Variants in TFIP11 observed in about 807,000 individuals in gnomAD.
The protein encoded by TFIP11 is tuftelin interacting protein 11.
A neutral mutation model predicts 96.8 loss-of-function variants in TFIP11; 86 were observed. The ratio of observed to expected loss-of-function variants is 0.89; its 90% CI spans 0.75 to 1.06. The LOEUF (loss-of-function observed/expected upper bound fraction) is 1.06. Ranked by LOEUF, TFIP11 falls within the 50% of genes least tolerant of loss-of-function variation. The pLI is 0.00. For synonymous variants in TFIP11, 405 were observed against 395.2 expected (o/e 1.02, Z -0.29); for missense variants, 881 against 1,076.7 (o/e 0.82, Z 2.54).
rs1416391788 is a variant in TFIP11 at position 26,492,366 on chromosome 22, C to T, written c.2161G>A (p.Ala721Thr). 6.2e-7 allele frequency: 1 copy of T among 1,613,918 alleles called. No individual in the cohort carries two copies. Among genetic ancestry groups the T allele is most frequent in the South Asian group, 1.1e-5 (1 of 91,076 alleles). Reference protein sequence around the residue: ...MNRAVSSNVGAYMQPGARENI... With the variant: ...MNRAVSSNVGTYMQPGARENI... ...TCCCGTGCTCCTGGCTGCATGTAGG[C>T]ACCTAAGATACAGGAGGACAGGGCG... The change falls in exon 15 of 15, where the codon GCC becomes ACC. Residue 721 changes from alanine to threonine, a missense_variant and splice_region_variant. Coordinates refer to ENST00000407690, the MANE Select transcript of TFIP11 (RefSeq NM_012143.4).
At position 26,491,661 on chromosome 22, in the gene TFIP11, G is replaced by A; in HGVS notation, c.*352C>T. On this transcript the variant is annotated 3_prime_UTR_variant, in exon 15 of 15. Transcript: ENST00000407690. ...CAGGAACAAGAGAGAAGATCCTTCT[G>A]CTACTGACTGAACTCGTTGTGAGGT... 6.2e-7 allele frequency: 1 copy of A among 1,610,348 alleles called. No homozygotes were observed. Among genetic ancestry groups the A allele is most frequent in the Non-Finnish European group, 8.5e-7 (1 of 1,179,998 alleles).
At chr22:26,495,959 G>T in intron 12 of TFIP11, 114 bp downstream of exon 12, 2 of 1,425,014 alleles carry the variant, frequency 1.4e-6, no homozygotes, top group Non-Finnish European at 1.9e-6. Flanking sequence ...AAGGAATATT[G>T]TGTACTAAGC....
At chr22:26,501,017 G>A (rs1401695874) in intron 8 of TFIP11, among the ~76,000 whole-genome samples, 1 of 151,186 alleles carries the variant, frequency 6.6e-6, no homozygotes, top group Non-Finnish European at 1.5e-5. Flanking sequence ...CCGAGTAGCT[G>A]GGACTACAGG....
At chr22:26,495,208 C>G (rs1306559572) in intron 12 of TFIP11, among the ~76,000 whole-genome samples, 1 of 149,870 alleles carries the variant, frequency 6.7e-6, no homozygotes, top group African/African-American at 2.5e-5. Context: ...GTGATCTGCC[C>G]ACCTCAGCCT....
Position 26,501,911 on chromosome 22 carries a change from A to G in TFIP11, c.790T>C (p.Ser264Pro). The G allele has an allele frequency of 1.2e-6, 2 of 1,613,158 alleles. No individual in the cohort carries two copies. The highest frequency in any genetic ancestry group is 1.1e-5 in the South Asian group (1 of 90,992). Residue 264 changes from serine (S) to proline (P), a missense_variant, in exon 8 of 15, where the codon TCT becomes CCT. Transcript: ENST00000407690. ...AAGGGCCCCTGTACCTTGACTTGAGAAAGTTCCTTCTGGGGAGCAGTGAGC... is the reference window on the plus strand; with the variant it reads ...AAGGGCCCCTGTACCTTGACTTGAGGAAGTTCCTTCTGGGGAGCAGTGAGC... ...KKLTAPQKELSQVKVIDMTGR... is the reference protein window; with the variant it reads ...KKLTAPQKELPQVKVIDMTGR...
At chr22:26,493,514 G>C (rs1921495422) in intron 14 of TFIP11, 1 of 152,978 alleles carries the variant, frequency 6.5e-6, no homozygotes. Context: ...AGGACTGGTT[G>C]AAATAGGCTC....
In TFIP11 at chr22:26,506,875, C is replaced by A; in HGVS notation, c.263G>T (p.Gly88Val). The change falls in exon 5 of 15, where the codon GGG (glycine) becomes GTG (valine). Residue 88 changes from glycine (G) to valine (V), a missense_variant. Coordinates refer to ENST00000407690, the MANE Select transcript of TFIP11 (RefSeq NM_012143.4). ...TTCCAACTCTGCCTCCTCCGCTGCCCCTTTCTTGAGCCCTGCGCTGATGAA... is the reference window on the plus strand; with the variant it reads ...TTCCAACTCTGCCTCCTCCGCTGCCACTTTCTTGAGCCCTGCGCTGATGAA... Reference protein sequence around the residue: ...VNFISAGLKKGAAEEAELEDS... With the variant: ...VNFISAGLKKVAAEEAELEDS... 1 of 1,614,216 alleles carries A rather than the reference C, an allele frequency of 6.2e-7. No homozygotes were observed. Among genetic ancestry groups the A allele is most frequent in the Admixed American group, 1.7e-5 (1 of 60,024 alleles).
At chr22:26,508,555 T>C (rs1296598166) in intron 4 of TFIP11, among the ~76,000 whole-genome samples, 1 of 152,052 alleles carries the variant, frequency 6.6e-6, no homozygotes, top group Non-Finnish European at 1.5e-5. Flanking sequence ...CCAGCCTCCT[T>C]TGAAAAAGGC....
Position 26,506,944 on chromosome 22 carries a change from C to A in TFIP11, c.210-16G>T, listed in dbSNP as rs755475740. The stretch of plus-strand genomic sequence containing the variant: ...GTCACGGGCCCTGTAGGCACAGAAA[C>A]AAAGCCCCACCAGGTCGGTAAAGAA... On this transcript the variant is annotated splice_polypyrimidine_tract_variant and intron_variant, in intron 4 of 14. Coordinates refer to ENST00000407690, the MANE Select transcript of TFIP11 (RefSeq NM_012143.4). The A allele has an allele frequency of 6.2e-7, 1 of 1,612,308 alleles. No individual in the cohort carries two copies. The highest frequency in any genetic ancestry group is 1.7e-5 in the Admixed American group (1 of 59,772).
chr22:26,491,274 C>A lies in TFIP11; in HGVS notation c.*739G>T. The A allele has an allele frequency of 1.4e-6, 1 of 717,054 alleles. No individual in the cohort carries two copies. Among genetic ancestry groups the A allele is most frequent in the Non-Finnish European group, 2.3e-6 (1 of 431,272 alleles). The allele number at this position is 717,054 out of a possible 1,614,324, so 44.4% of individuals were successfully genotyped here. On this transcript the variant is annotated 3_prime_UTR_variant, in exon 15 of 15. Coordinates refer to ENST00000407690, the MANE Select transcript of TFIP11 (RefSeq NM_012143.4). ...TCCTTATTTCCTTTATTCTTAGTAT[C>A]ACAGTCCATGATATCCACTGTCCTT...
intron 14 of TFIP11, chr22:26,492,783 C>T (rs868413376): frequency 1.4e-4 from 27 of 188,278 alleles, no homozygotes; most frequent in African/African-American, 5.9e-4. Context: ...TTAACCTACC[C>T]ACACAGGGCC....
intron 4 of TFIP11, 32 bp from the exon 5 acceptor site, chr22:26,506,960 C>A: frequency 6.2e-7 from 1 of 1,604,896 alleles, no homozygotes; most frequent in Non-Finnish European, 8.5e-7. Flanking sequence ...CCCACCAGGT[C>A]GGTAAAGAAC....
chr22:26,501,668 G>C (rs1356047059), intron 8 of TFIP11, among the ~76,000 whole-genome samples: 1 of 149,278 alleles, frequency 6.7e-6, no homozygotes, highest in African/African-American at 2.5e-5. Context: ...AGCAGAGAAG[G>C]AACTTGGTAA....
intron 10 of TFIP11, among the ~76,000 whole-genome samples, chr22:26,497,760 C>T (rs895164360): frequency 6.6e-6 from 1 of 151,492 alleles, no homozygotes; most frequent in Middle Eastern, 3.2e-3. Context: ...CCTGTAGTCC[C>T]AGCTACTCGA....
intron 10 of TFIP11, 143 bp from the exon 11 acceptor site, chr22:26,497,032 C>T (rs745762845): frequency 2.5e-5 from 24 of 965,370 alleles, no homozygotes; most frequent in Non-Finnish European, 3.3e-5. Context: ...GGCCAGTCAC[C>T]ATACTGGCCA....
Position 26,495,989 on chromosome 22 carries a change from C to T in TFIP11, c.1849+84G>A, listed in dbSNP as rs997297055. ...CTAAGCACTTTCATGAACATAAAGG[C>T]GATGCTTTAAATCATCACTGCTAAC... is the stretch of plus-strand genomic sequence containing the variant. On this transcript the variant is annotated intron_variant, in intron 12 of 14. Transcript: ENST00000407690. 20 of 1,529,298 alleles carry T rather than the reference C, an allele frequency of 1.3e-5. No homozygotes were observed. The East Asian group carries it at 2.0e-4, about 16-fold the overall frequency. 94.7% of individuals were successfully genotyped at this position (1,529,298 alleles called of 1,614,324 possible).
At chr22:26,506,195 G>C in intron 6 of TFIP11, 108 bp downstream of exon 6, 1 of 1,248,838 alleles carries the variant, frequency 8.0e-7, no homozygotes, top group Non-Finnish European at 1.1e-6. Context: ...AACCAGGCTG[G>C]AGAGATAAAG....
chr22:26,510,903 T>C (rs1602231378), intron 2 of TFIP11, among the ~76,000 whole-genome samples: 3 of 152,194 alleles, frequency 2.0e-5, no homozygotes, highest in South Asian at 2.1e-4. Context: ...CCAGATTCAG[T>C]TGTCTTTCTT....
intron 8 of TFIP11, among the ~76,000 whole-genome samples, chr22:26,500,878 C>CTTTTTTTTTTTTT (rs397958538): frequency 2.0e-5 from 2 of 102,060 alleles, no homozygotes; most frequent in African/African-American, 3.8e-5. Flanking sequence ...TAACGGAAAA[C>CTTTTTTTTTTTTT]TTTTTTTTTT....
Sources: gnomAD v4.1 joint callset for allele counts (sites outside exome capture counted in the v4.1 genomes callset) on GRCh38, gnomAD v4.1.1 for gene constraint, MANE v1.5 for transcripts, NCBI Gene and HGNC (gene_info 2026-07-23, HGNC 2026-07-21) for gene names.